RAB5A: variants seen among roughly 807,000 people sequenced by gnomAD.
The protein encoded by RAB5A is ras-related protein Rab-5A.
RAB5A carries 8 observed loss-of-function variants against 25.7 expected under a neutral mutation model. The ratio of observed to expected loss-of-function variants is 0.31; its 90% confidence interval spans 0.18 to 0.56. The LOEUF (loss-of-function observed/expected upper bound fraction) is 0.56. Ranked by LOEUF, RAB5A falls within the 20% of genes least tolerant of loss-of-function variation. The pLI, the probability that RAB5A is intolerant of heterozygous loss-of-function variation, is 0.91. For missense variants in RAB5A, 192 were observed against 259.7 expected, an observed-to-expected ratio of 0.74 and a Z score of 1.79; for synonymous variants, 98 against 89.8, an observed-to-expected ratio of 1.09 and a Z score of -0.52.
In RAB5A at chr3:19,983,759, G is replaced by C. The variant is rs1285345308; in HGVS notation, c.584G>C (p.Arg195Thr). 1.1e-5 allele frequency: 18 copies of C among 1,612,502 alleles called. No individual in the cohort carries two copies. The highest frequency in any genetic ancestry group is 1.5e-5 in the Non-Finnish European group (18 of 1,179,136). Residue 195 changes from arginine to threonine, a missense_variant, in exon 6 of 6, where the codon AGA (arginine) becomes ACA (threonine). Arg to Thr is a moderately conservative substitution (Grantham distance 71). Coordinates refer to ENST00000273047, the MANE Select transcript of RAB5A (RefSeq NM_004162.5). The stretch of plus-strand genomic sequence containing the variant: ...CAAAATCCAGGAGCAAATTCTGCCA[G>C]AGGAAGAGGAGTAGACCTTACCGAA... Reference protein sequence around the residue: ...EPQNPGANSARGRGVDLTEPT... With the variant: ...EPQNPGANSATGRGVDLTEPT...
At chr3:19,950,207 G>C (rs185330824) in intron 1 of RAB5A, among the ~76,000 whole-genome samples, 1 of 152,128 alleles carries the variant, frequency 6.6e-6, no homozygotes, top group Non-Finnish European at 1.5e-5. Context: ...TAAGTCTGCC[G>C]TTAGGCACAC....
chr3:19,953,172 C>G (rs780700828), intron 2 of RAB5A, among the ~76,000 whole-genome samples: 1 of 152,092 alleles, frequency 6.6e-6, no homozygotes, highest in Non-Finnish European at 1.5e-5. Flanking sequence ...TAATGCACTT[C>G]TAAGTTTATT....
At chr3:19,967,293 C>T (rs1024110764) in intron 2 of RAB5A, among the ~76,000 whole-genome samples, 2 of 152,056 alleles carry the variant, frequency 1.3e-5, no homozygotes. Flanking sequence ...TACAGGCAAC[C>T]GCCACCACGT....
chr3:19,962,668 G>C (rs1696604576), intron 2 of RAB5A, among the ~76,000 whole-genome samples: 1 of 152,164 alleles, frequency 6.6e-6, no homozygotes, highest in African/African-American at 2.4e-5. Flanking sequence ...GGTCATATTA[G>C]TAATATCAGT....
intron 2 of RAB5A, among the ~76,000 whole-genome samples, chr3:19,969,703 A>G (rs1696717124): frequency 6.6e-6 from 1 of 152,222 alleles, no homozygotes; most frequent in African/African-American, 2.4e-5. Context: ...TTGATAAATA[A>G]TAAGTTTGGG....
chr3:19,964,648 G>A (rs908179619), intron 2 of RAB5A, among the ~76,000 whole-genome samples: 2 of 152,152 alleles, frequency 1.3e-5, no homozygotes, highest in African/African-American at 2.4e-5. Flanking sequence ...GTTTGAGACG[G>A]AGTCACCCAG....
chr3:19,951,385 CA>C (rs1224008775), intron 2 of RAB5A, among the ~76,000 whole-genome samples: 2 of 152,152 alleles, frequency 1.3e-5, no homozygotes, highest in Non-Finnish European at 2.9e-5. Context: ...CAAATTAATA[CA>C]GTACATGTTT....
chr3:19,953,011 A>C (rs931618485), intron 2 of RAB5A, among the ~76,000 whole-genome samples: 1 of 152,146 alleles, frequency 6.6e-6, no homozygotes, highest in African/African-American at 2.4e-5. Flanking sequence ...AACCTGGGCC[A>C]CGTAGGTTTG....
chr3:19,951,701 G>GTTTTTTTTTTTTTTTTTTTTTTTTTTT (rs61250458), intron 2 of RAB5A, among the ~76,000 whole-genome samples: 8 of 99,014 alleles, frequency 8.1e-5, no homozygotes, highest in African/African-American at 2.9e-4. Flanking sequence ...TGCCAGGCAA[G>GTTTTTTTTTTTTTTTTTTTTTTTTTTT]TTTTTTTTTT....
intron 2 of RAB5A, among the ~76,000 whole-genome samples, chr3:19,956,381 G>A (rs1458670376): frequency 6.6e-6 from 1 of 152,148 alleles, no homozygotes; most frequent in African/African-American, 2.4e-5. Flanking sequence ...TTGAACCCAG[G>A]AAGCGGAGGT....
chr3:19,974,918 G>A (rs1262036443), intron 2 of RAB5A, among the ~76,000 whole-genome samples: 1 of 151,912 alleles, frequency 6.6e-6, no homozygotes, highest in African/African-American at 2.4e-5. Flanking sequence ...TTCTTTAATT[G>A]TAGAGCAATT....
At chr3:19,967,762 A>C (rs1696681601) in intron 2 of RAB5A, among the ~76,000 whole-genome samples, 1 of 151,756 alleles carries the variant, frequency 6.6e-6, no homozygotes, top group Non-Finnish European at 1.5e-5. Context: ...AGTAATACTT[A>C]GCCCTATTCT....
chr3:19,958,660 A>G (rs904473189), intron 2 of RAB5A, among the ~76,000 whole-genome samples: 1 of 152,228 alleles, frequency 6.6e-6, no homozygotes, highest in Admixed American at 6.5e-5. Flanking sequence ...CCTGACCAAC[A>G]TGGCAAAACA....
At chr3:19,978,628 G>C (rs1255828831) in intron 5 of RAB5A, 1 of 430,608 alleles carries the variant, frequency 2.3e-6, no homozygotes, top group African/African-American at 2.0e-5. Flanking sequence ...TTACCTATTA[G>C]GTTGTAATAC....
At chr3:19,981,816 A>G (rs1211711880) in intron 5 of RAB5A, among the ~76,000 whole-genome samples, 1 of 152,106 alleles carries the variant, frequency 6.6e-6, no homozygotes, top group Non-Finnish European at 1.5e-5. Context: ...GTGTTGTCTG[A>G]ATTTGACAAG....
At chr3:19,952,156 G>A (rs1399990032) in intron 2 of RAB5A, among the ~76,000 whole-genome samples, 3 of 152,052 alleles carry the variant, frequency 2.0e-5, no homozygotes, top group African/African-American at 7.2e-5. Context: ...TCTAGCCTGG[G>A]CAACATAATG....
At chr3:19,978,459 T>C in intron 5 of RAB5A, 56 bp downstream of exon 5, 1 of 1,364,880 alleles carries the variant, frequency 7.3e-7, no homozygotes, top group Non-Finnish European at 1.0e-6. Context: ...GTGTGAAGCA[T>C]ATTTGGTTTG....
At chr3:19,967,787 C>A (rs1045833444) in intron 2 of RAB5A, among the ~76,000 whole-genome samples, 5 of 151,998 alleles carry the variant, frequency 3.3e-5, no homozygotes, top group African/African-American at 4.8e-5. Context: ...TTATTTCTTA[C>A]TCTTCCTCAC....
chr3:19,977,870 G>T (rs1025072460), intron 4 of RAB5A, among the ~76,000 whole-genome samples: 2 of 152,202 alleles, frequency 1.3e-5, no homozygotes, highest in Non-Finnish European at 2.9e-5. Flanking sequence ...TGCTGTAGAA[G>T]TCATTGAAAA....
Sources: allele counts gnomAD v4.1 joint callset (sites outside exome capture counted in the v4.1 genomes callset), GRCh38; gene constraint gnomAD v4.1.1; transcripts MANE v1.5; gene names NCBI Gene and HGNC (gene_info 2026-07-23, HGNC 2026-07-21).